Variants in NRG1 observed in about 807,000 individuals in gnomAD.
NRG1 encodes the protein neuregulin 1, also known as pro-neuregulin-1, membrane-bound isoform.
Under a neutral mutation model 63.8 loss-of-function variants are expected in NRG1, and 18 were observed. That is an observed-to-expected ratio of 0.28 (90% CI 0.19 to 0.42). NRG1 has a LOEUF of 0.42. Among genes scored for constraint, NRG1 ranks in the 10% least tolerant of loss-of-function variants. The probability of loss-of-function intolerance (pLI) is 1.00; values close to 1 mark genes in which losing one functional copy is unlikely to be tolerated. For missense variants in NRG1, 762 were observed against 814.7 expected, an observed-to-expected ratio of 0.94 and a Z score of 0.79; for synonymous variants, 302 against 301.3, an observed-to-expected ratio of 1.00 and a Z score of -0.02.
chr8:31,866,529 G>A (rs1031990648), intron 1 of NRG1, among the ~76,000 whole-genome samples: 3 of 152,120 alleles, frequency 2.0e-5, no homozygotes, highest in Admixed American at 1.3e-4. Flanking sequence ...AGAGACTCAG[G>A]ACTGTTTAGA....
At chr8:31,929,961 T>C (rs1044546396) in intron 1 of NRG1, among the ~76,000 whole-genome samples, 2 of 152,238 alleles carry the variant, frequency 1.3e-5, no homozygotes, top group African/African-American at 4.8e-5. Context: ...AAAGAATTCC[T>C]CTAGGATCTG....
chr8:32,370,183 A>G (rs1563371723), intron 1 of NRG1, among the ~76,000 whole-genome samples: 1 of 152,220 alleles, frequency 6.6e-6, no homozygotes, highest in Non-Finnish European at 1.5e-5. Context: ...TTTCCTAAGT[A>G]AGCTTGAAAA....
intron 1 of NRG1, among the ~76,000 whole-genome samples, chr8:32,216,165 A>C (rs189409596): frequency 6.6e-6 from 1 of 150,534 alleles, no homozygotes; most frequent in East Asian, 1.9e-4. Flanking sequence ...ATTTCTAATT[A>C]TCGTATACAG....
intron 1 of NRG1, among the ~76,000 whole-genome samples, chr8:31,880,895 A>G (rs1830298561): frequency 1.3e-5 from 2 of 152,222 alleles, no homozygotes; most frequent in South Asian, 4.1e-4. Flanking sequence ...GAATACAGAT[A>G]GAAATCAATG....
intron 1 of NRG1, among the ~76,000 whole-genome samples, chr8:31,647,361 C>T (rs1804387782): frequency 6.6e-6 from 1 of 152,176 alleles, no homozygotes; most frequent in African/African-American, 2.4e-5. Flanking sequence ...GGCATGTGCC[C>T]ATTTGGGCTC....
At chr8:32,210,950 T>G (rs1326448242) in intron 1 of NRG1, among the ~76,000 whole-genome samples, 1 of 152,238 alleles carries the variant, frequency 6.6e-6, no homozygotes, top group Non-Finnish European at 1.5e-5. Context: ...TTATTAAATA[T>G]ATTTGTTGCT....
At chr8:31,685,633 C>A (rs1405595938) in intron 1 of NRG1, among the ~76,000 whole-genome samples, 3 of 152,128 alleles carry the variant, frequency 2.0e-5, no homozygotes, top group East Asian at 1.9e-4. Flanking sequence ...CAAAAAGAAA[C>A]CCCATGTTCA....
At chr8:31,665,114 TG>T (rs1806394109) in intron 1 of NRG1, among the ~76,000 whole-genome samples, 1 of 152,110 alleles carries the variant, frequency 6.6e-6, no homozygotes, top group South Asian at 2.1e-4. Flanking sequence ...GACATGAATA[TG>T]GGGTGCTGGG....
At chr8:31,720,436 A>G (rs1332761048) in intron 1 of NRG1, among the ~76,000 whole-genome samples, 1 of 152,170 alleles carries the variant, frequency 6.6e-6, no homozygotes. Context: ...CTAGGTGTTA[A>G]GCCCAGCATC....
intron 1 of NRG1, among the ~76,000 whole-genome samples, chr8:31,985,808 T>C (rs1809959491): frequency 6.6e-6 from 1 of 152,126 alleles, no homozygotes; most frequent in Non-Finnish European, 1.5e-5. Context: ...AATTGCAGTA[T>C]TTATATTGTC....
intron 1 of NRG1, among the ~76,000 whole-genome samples, chr8:31,989,253 C>CAAAAAAAAAAAAAAAAAAAAAAAAAAAAA (rs10692906): frequency 1.6e-3 from 76 of 47,510 alleles, no homozygotes; most frequent in East Asian, 8.3e-3. Context: ...GACTCTGTCT[C>CAAAAAAAAAAAAAAAAAAAAAAAAAAAAA]AAAAAAAAAA....
chr8:32,709,651 G>C (rs1817316341), intron 5 of NRG1, among the ~76,000 whole-genome samples: 1 of 151,870 alleles, frequency 6.6e-6, no homozygotes, highest in Non-Finnish European at 1.5e-5. Context: ...GAACTCCTAG[G>C]CTCAAGCAAT....
intron 1 of NRG1, among the ~76,000 whole-genome samples, chr8:32,034,748 A>C (rs922916466): frequency 6.6e-6 from 1 of 152,180 alleles, no homozygotes; most frequent in Admixed American, 6.5e-5. Context: ...AGGTGTTAAT[A>C]GTATCCTCTG....
intron 5 of NRG1, among the ~76,000 whole-genome samples, chr8:32,682,276 G>T (rs906715741): frequency 6.6e-6 from 1 of 152,030 alleles, no homozygotes; most frequent in African/African-American, 2.4e-5. Context: ...AAGCAGCATT[G>T]ATTAATATTT....
intron 1 of NRG1, among the ~76,000 whole-genome samples, chr8:32,447,187 T>A (rs75899179): frequency 0.055 from 7,970 of 144,594 alleles, 281 homozygotes; most frequent in Middle Eastern, 0.087. Flanking sequence ...ACCCGGCTAA[T>A]TTTTTTTTTG....
intron 1 of NRG1, among the ~76,000 whole-genome samples, chr8:32,412,453 C>CATATATAT (rs368054524): frequency 9.1e-5 from 7 of 76,714 alleles, no homozygotes; most frequent in Non-Finnish European, 1.5e-4. Context: ...TATATATATA[C>CATATATAT]ATATATATAT....
intron 1 of NRG1, among the ~76,000 whole-genome samples, chr8:32,401,111 G>T (rs905248001): frequency 6.6e-6 from 1 of 152,092 alleles, no homozygotes; most frequent in African/African-American, 2.4e-5. Context: ...TGGATACATG[G>T]AGGGGAACGA....
intron 1 of NRG1, among the ~76,000 whole-genome samples, chr8:31,812,741 A>G (rs1214701810): frequency 6.7e-6 from 1 of 149,192 alleles, no homozygotes; most frequent in Non-Finnish European, 1.5e-5. Context: ...TAAGCACTGC[A>G]CTGCTTTGGG....
At chr8:31,936,434 T>G (rs993059616) in intron 1 of NRG1, among the ~76,000 whole-genome samples, 1 of 152,216 alleles carries the variant, frequency 6.6e-6, no homozygotes, top group African/African-American at 2.4e-5. Flanking sequence ...CCATGACTTC[T>G]AGTAATCTTG....
Sources: allele counts gnomAD v4.1 joint callset (sites outside exome capture counted in the v4.1 genomes callset), GRCh38; gene constraint gnomAD v4.1.1; transcripts MANE v1.5; gene names NCBI Gene and HGNC (gene_info 2026-07-23, HGNC 2026-07-21).